The following IL1RAPL1 variants were observed in gnomAD, a reference collection of about 807,000 sequenced individuals.
IL1RAPL1 encodes interleukin 1 receptor accessory protein like 1.
A neutral mutation model predicts 48.4 loss-of-function variants in IL1RAPL1; 3 were observed. The ratio of observed to expected loss-of-function variants is 0.06; its 90% CI spans 0.03 to 0.16. The LOEUF is 0.16. IL1RAPL1 is among the 10% of genes least tolerant of loss of function. The pLI is 1.00. For missense variants in IL1RAPL1, 349 were observed against 530.6 expected (o/e 0.66, Z 3.36); for synonymous variants, 185 against 187.7 (o/e 0.99, Z 0.12).
intron 6 of IL1RAPL1, among the ~76,000 whole-genome samples, chrX:29,913,811 T>C (rs914974048): frequency 1.8e-5 from 2 of 111,235 alleles, no homozygotes; most frequent in Non-Finnish European, 3.8e-5. Context: ...AGTCTCACAT[T>C]TTCCACATGC....
At chrX:29,105,097 C>T (rs1288650091) in intron 2 of IL1RAPL1, among the ~76,000 whole-genome samples, 3 of 111,172 alleles carry the variant, frequency 2.7e-5, no homozygotes, top group African/African-American at 6.5e-5. Context: ...CCCCTGGCTG[C>T]GGGAAAGTCT....
intron 2 of IL1RAPL1, among the ~76,000 whole-genome samples, chrX:28,941,652 T>G (rs954069473): frequency 9.0e-6 from 1 of 111,215 alleles, no homozygotes. Flanking sequence ...ATTTTAGTTC[T>G]GAAGAAGTAA....
At chrX:29,532,742 A>G (rs1186472820) in intron 5 of IL1RAPL1, among the ~76,000 whole-genome samples, 1 of 112,270 alleles carries the variant, frequency 8.9e-6, no homozygotes, top group African/African-American at 3.2e-5. Flanking sequence ...AATTTTCAAG[A>G]GGCAGATACC....
intron 6 of IL1RAPL1, among the ~76,000 whole-genome samples, chrX:29,693,833 A>G (rs1302267456): frequency 9.1e-6 from 1 of 110,169 alleles, no homozygotes; most frequent in Non-Finnish European, 1.9e-5. Flanking sequence ...TTTTTTTTGA[A>G]TATGGTAGAG....
intron 2 of IL1RAPL1, among the ~76,000 whole-genome samples, chrX:29,232,954 G>T (rs1414250574): frequency 9.2e-6 from 1 of 108,786 alleles, no homozygotes; most frequent in African/African-American, 3.4e-5. Flanking sequence ...ACCCGCCACC[G>T]CACCCAGCTA....
chrX:29,160,315 T>C (rs1048784261), intron 2 of IL1RAPL1, among the ~76,000 whole-genome samples: 2 of 111,932 alleles, frequency 1.8e-5, no homozygotes, highest in African/African-American at 6.5e-5. Flanking sequence ...ATTATGTTTG[T>C]TATTTTTATA....
At chrX:29,768,969 T>A (rs1422666180) in intron 6 of IL1RAPL1, among the ~76,000 whole-genome samples, 1 of 111,476 alleles carries the variant, frequency 9.0e-6, no homozygotes, top group African/African-American at 3.3e-5. Flanking sequence ...AGGTCCAATA[T>A]GGCCTCCTTC....
intron 1 of IL1RAPL1, among the ~76,000 whole-genome samples, chrX:28,601,820 G>A (rs1185626649): frequency 1.8e-5 from 2 of 110,173 alleles, no homozygotes; most frequent in African/African-American, 6.6e-5. Flanking sequence ...AAAAAAAAAA[G>A]TTGGCCAGGT....
chrX:29,076,477 C>A (rs1212813428), intron 2 of IL1RAPL1, among the ~76,000 whole-genome samples: 1 of 111,668 alleles, frequency 9.0e-6, no homozygotes, highest in Non-Finnish European at 1.9e-5. Flanking sequence ...ATATGCCAGG[C>A]AACTTCTATG....
intron 2 of IL1RAPL1, among the ~76,000 whole-genome samples, chrX:29,001,707 ATATTT>A (rs1925856253): frequency 8.9e-6 from 1 of 111,798 alleles, no homozygotes; most frequent in Non-Finnish European, 1.9e-5. Context: ...GAAAGAAAAA[ATATTT>A]TAATTGATGG....
In IL1RAPL1 at chrX:28,873,655, CCAA is replaced by C. The variant is rs1310150217; in HGVS notation, c.82+84231_82+84233del. On this transcript the variant is annotated intron_variant, in intron 2 of 10. Coordinates refer to ENST00000378993, the MANE Select transcript of IL1RAPL1 (RefSeq NM_014271.4). ...CACGCCATTCTCCTGCCTCAGCCTCCCAAGTAGCTGGGACTACAGGAGCCCGCC... is the reference window on the plus strand; with the variant it reads ...CACGCCATTCTCCTGCCTCAGCCTCCGTAGCTGGGACTACAGGAGCCCGCC... Among the ~76,000 whole-genome samples, 71 of 106,871 alleles carry C rather than the reference CCAA, an allele frequency of 6.6e-4. 1 individual carries two copies. In the East Asian group the frequency reaches 0.017, roughly 26 times the overall value. The allele number at this position is 106,871 out of a possible 115,157, so 92.8% of individuals were successfully genotyped here.
chrX:28,836,400 G>C (rs972524773), intron 2 of IL1RAPL1, among the ~76,000 whole-genome samples: 4 of 103,440 alleles, frequency 3.9e-5, no homozygotes, highest in African/African-American at 7.3e-5. Flanking sequence ...GACAGACAGA[G>C]AGAGAGAGTC....
intron 3 of IL1RAPL1, among the ~76,000 whole-genome samples, chrX:29,329,426 C>T (rs891746213): frequency 1.8e-5 from 2 of 111,460 alleles, no homozygotes; most frequent in Admixed American, 1.9e-4. Flanking sequence ...TCATAATAGT[C>T]AAAAGTGGAA....
chrX:29,868,618 A>G (rs969056530), intron 6 of IL1RAPL1, among the ~76,000 whole-genome samples: 2 of 112,600 alleles, frequency 1.8e-5, no homozygotes, highest in Non-Finnish European at 1.9e-5. Flanking sequence ...CAGCTAACAA[A>G]CAGACAGCAG....
intron 5 of IL1RAPL1, among the ~76,000 whole-genome samples, chrX:29,412,387 G>T (rs1439337249): frequency 8.9e-6 from 1 of 112,087 alleles, no homozygotes; most frequent in Admixed American, 9.5e-5. Flanking sequence ...CTGAAATTTG[G>T]CTAGACTGGA....
Position 29,394,949 on chromosome X carries a change from T to G in IL1RAPL1, c.363-1309T>G, listed in dbSNP as rs181752370. On this transcript the variant is annotated intron_variant, in intron 3 of 10. Transcript: ENST00000378993. ...CTACCTATCTATTTTCTGGACATTC[T>G]CACTGTGTCATATTAGCATTCAACA... Among the ~76,000 whole-genome samples the G allele has an allele frequency of 3.6e-3, 408 of 112,316 alleles. 3 individuals carry two copies. Among genetic ancestry groups the G allele is most frequent in the Non-Finnish European group, 6.3e-3 (336 of 53,250 alleles).
chrX:29,537,579 A>G (rs1215107390), intron 5 of IL1RAPL1, among the ~76,000 whole-genome samples: 2 of 109,677 alleles, frequency 1.8e-5, no homozygotes, highest in African/African-American at 6.6e-5. Flanking sequence ...GATCAAATCA[A>G]GAGAAAACAG....
At chrX:29,065,084 A>C (rs1927425806) in intron 2 of IL1RAPL1, among the ~76,000 whole-genome samples, 2 of 111,386 alleles carry the variant, frequency 1.8e-5, no homozygotes, top group South Asian at 3.8e-4. Context: ...TAGGTCCCAA[A>C]ATAAAGTTAT....
At chrX:29,101,163 G>A (rs1928329270) in intron 2 of IL1RAPL1, among the ~76,000 whole-genome samples, 1 of 111,913 alleles carries the variant, frequency 8.9e-6, no homozygotes, top group Admixed American at 9.5e-5. Flanking sequence ...AGAGATGAAA[G>A]AGGAGACATT....
Sources: gnomAD v4.1 joint callset for allele counts (sites outside exome capture counted in the v4.1 genomes callset) on GRCh38, gnomAD v4.1.1 for gene constraint, MANE v1.5 for transcripts, NCBI Gene and HGNC (gene_info 2026-07-23, HGNC 2026-07-21) for gene names.